PDGFRL: variants seen among roughly 807,000 people sequenced by gnomAD.
The protein encoded by PDGFRL is platelet-derived growth factor receptor-like protein.
A neutral mutation model predicts 37.2 loss-of-function variants in PDGFRL; 46 were observed. That is an observed-to-expected ratio of 1.24 (90% confidence interval 0.98 to 1.58). PDGFRL has a LOEUF of 1.58. Ranked by LOEUF, PDGFRL falls within the 40% of genes most tolerant of loss-of-function variation. PDGFRL has a pLI of 0.00. For synonymous variants in PDGFRL, 251 were observed against 184.3 expected (o/e 1.36, Z -2.93); for missense variants, 692 against 467.6 (o/e 1.48, Z -4.43).
intron 1 of PDGFRL, among the ~76,000 whole-genome samples, chr8:17,584,731 T>C (rs1036630417): frequency 2.6e-5 from 4 of 151,962 alleles, no homozygotes; most frequent in African/African-American, 9.7e-5. Flanking sequence ...TTTTTTTTTT[T>C]TAAAGATACT....
intron 1 of PDGFRL, among the ~76,000 whole-genome samples, chr8:17,581,796 C>G (rs775718564): frequency 6.6e-6 from 1 of 152,108 alleles, no homozygotes; most frequent in African/African-American, 2.4e-5. Context: ...GCCTGCAGAA[C>G]GATGAGCCAA....
chr8:17,592,494 C>T (rs2588151), intron 2 of PDGFRL, among the ~76,000 whole-genome samples: 1 of 151,944 alleles, frequency 6.6e-6, no homozygotes, highest in African/African-American at 2.4e-5. Context: ...AGTCCAGCAT[C>T]CTCATATGGC....
chr8:17,577,429 G>A (rs1462682547), intron 1 of PDGFRL, 122 bp downstream of exon 1: 9 of 807,788 alleles, frequency 1.1e-5, no homozygotes, highest in African/African-American at 5.1e-5. Context: ...CTCAGCCCCC[G>A]CGCCACTGCC....
intron 1 of PDGFRL, among the ~76,000 whole-genome samples, chr8:17,583,179 C>G (rs73561231): frequency 6.6e-6 from 1 of 151,956 alleles, no homozygotes; most frequent in Admixed American, 6.6e-5. Flanking sequence ...CCTGAGTGTG[C>G]GAGCAGAAGC....
At chr8:17,633,238 G>A (rs897934016) in intron 4 of PDGFRL, among the ~76,000 whole-genome samples, 1 of 152,098 alleles carries the variant, frequency 6.6e-6, no homozygotes, top group African/African-American at 2.4e-5. Context: ...AGATCAGCTT[G>A]GGCAACATAG....
intron 2 of PDGFRL, among the ~76,000 whole-genome samples, chr8:17,602,239 T>C (rs1804181344): frequency 6.6e-6 from 1 of 152,188 alleles, no homozygotes; most frequent in African/African-American, 2.4e-5. Flanking sequence ...GCCATGTGTA[T>C]GTCTTCGAGG....
intron 1 of PDGFRL, among the ~76,000 whole-genome samples, chr8:17,588,461 G>A (rs1301206162): frequency 6.6e-6 from 1 of 151,798 alleles, no homozygotes; most frequent in African/African-American, 2.4e-5. Context: ...AGGGTTGCTT[G>A]AGGCCAGGAG....
At chr8:17,599,476 G>C (rs1190885872) in intron 2 of PDGFRL, among the ~76,000 whole-genome samples, 2 of 152,146 alleles carry the variant, frequency 1.3e-5, no homozygotes, top group Non-Finnish European at 2.9e-5. Context: ...TCTTGAATAT[G>C]TCCTAAGTTC....
At chr8:17,634,465 C>A (rs2129830108) in intron 5 of PDGFRL, among the ~76,000 whole-genome samples, 1 of 151,626 alleles carries the variant, frequency 6.6e-6, no homozygotes, top group East Asian at 1.9e-4. Context: ...GCTCAATGTA[C>A]CCTCTTCATA....
chr8:17,609,012 A>T (rs1585316249), intron 2 of PDGFRL, among the ~76,000 whole-genome samples: 1 of 152,136 alleles, frequency 6.6e-6, no homozygotes, highest in East Asian at 1.9e-4. Flanking sequence ...TGAGCCCGGG[A>T]GTTTGAGACC....
At chr8:17,641,896 T>TCCCCCCCCCCCCCCCCCCCCCCCCCCCC (rs144394170) in intron 5 of PDGFRL, among the ~76,000 whole-genome samples, 10 of 103,872 alleles carry the variant, frequency 9.6e-5, no homozygotes, top group African/African-American at 1.9e-4. Flanking sequence ...TCAATAGAGG[T>TCCCCCCCCCCCCCCCCCCCCCCCCCCCC]CCCCGCCACA....
intron 3 of PDGFRL, among the ~76,000 whole-genome samples, chr8:17,627,286 A>G (rs1804752747): frequency 1.3e-5 from 2 of 152,222 alleles, no homozygotes; most frequent in African/African-American, 4.8e-5. Flanking sequence ...ATTTGGATGT[A>G]GTTTACAGCT....
chr8:17,601,449 G>A (rs376238317), intron 2 of PDGFRL, among the ~76,000 whole-genome samples: 13 of 139,916 alleles, frequency 9.3e-5, no homozygotes, highest in Non-Finnish European at 1.4e-4. Flanking sequence ...TTATACCCCC[G>A]TTTTTGTTTT....
At chr8:17,595,348 T>C (rs181060937) in intron 2 of PDGFRL, among the ~76,000 whole-genome samples, 2 of 152,270 alleles carry the variant, frequency 1.3e-5, no homozygotes, top group East Asian at 3.9e-4. Flanking sequence ...GCCCAGGGTC[T>C]GGGCAGGCCC....
At chr8:17,641,369 T>A (rs1271813958) in intron 5 of PDGFRL, among the ~76,000 whole-genome samples, 2 of 152,214 alleles carry the variant, frequency 1.3e-5, no homozygotes, top group African/African-American at 4.8e-5. Context: ...CCCTGTGGTC[T>A]TTTCCCAGTT....
At chr8:17,589,149 A>G (rs1803877455) in intron 1 of PDGFRL, among the ~76,000 whole-genome samples, 1 of 152,092 alleles carries the variant, frequency 6.6e-6, no homozygotes, top group South Asian at 2.1e-4. Flanking sequence ...AGGCCAAGGC[A>G]GGTGGATCAC....
At chr8:17,609,446 A>G (rs58725801) in intron 2 of PDGFRL, among the ~76,000 whole-genome samples, 25,981 of 150,486 alleles carry the variant, frequency 0.17, 2,377 homozygotes, top group South Asian at 0.35. Context: ...CTGCACTCCG[A>G]CCTGGGCGAC....
chr8:17,642,501 A>G, intron 5 of PDGFRL, 112 bp from the exon 6 acceptor site: 1 of 693,526 alleles, frequency 1.4e-6, no homozygotes, highest in Non-Finnish European at 2.6e-6. Flanking sequence ...ACAGTCTTTT[A>G]TAAGCATGTG....
intron 2 of PDGFRL, among the ~76,000 whole-genome samples, chr8:17,595,216 C>T (rs184009255): frequency 5.7e-4 from 87 of 152,300 alleles, no homozygotes; most frequent in Middle Eastern, 3.4e-3. Context: ...CCTCCACTCA[C>T]CTGCTCCCAA....
Sources: gnomAD v4.1 joint callset for allele counts (sites outside exome capture counted in the v4.1 genomes callset) on GRCh38, gnomAD v4.1.1 for gene constraint, MANE v1.5 for transcripts, NCBI Gene and HGNC (gene_info 2026-07-23, HGNC 2026-07-21) for gene names.